The following SOX6 variants were observed in gnomAD, a reference collection of about 807,000 sequenced individuals.
The protein encoded by SOX6 is SRY-box transcription factor 6, also known as transcription factor SOX-6.
In SOX6, 11 loss-of-function variants were observed where a neutral mutation model predicts 97.8. The observed-to-expected ratio is 0.11, with a 90% CI of 0.07 to 0.19. The LOEUF is 0.19. Ranked by LOEUF, SOX6 falls within the 10% of genes least tolerant of loss-of-function variation. SOX6 has a pLI of 1.00. For synonymous variants in SOX6, 360 were observed against 371.4 expected (o/e 0.97, Z 0.35); for missense variants, 810 against 1,039.5 (o/e 0.78, Z 3.04).
intron 3 of SOX6, 76 bp downstream of exon 3, chr11:16,318,370 C>T (rs1324834037): frequency 1.5e-6 from 2 of 1,356,576 alleles, no homozygotes; most frequent in Non-Finnish European, 2.1e-6. Flanking sequence ...CTTGAAATCC[C>T]ACTTTTTTTT....
At chr11:16,227,838 T>G (rs1414679546) in intron 4 of SOX6, among the ~76,000 whole-genome samples, 1 of 152,206 alleles carries the variant, frequency 6.6e-6, no homozygotes, top group Non-Finnish European at 1.5e-5. Flanking sequence ...TCACACTAAA[T>G]GTTCAGAACT....
At chr11:16,718,316 C>A (rs1472152022) in intron 2 of SOX6, among the ~76,000 whole-genome samples, 2 of 151,898 alleles carry the variant, frequency 1.3e-5, no homozygotes, top group Admixed American at 6.6e-5. Context: ...ATCCCATACA[C>A]AATGGACATC....
chr11:16,071,302 C>T (rs1277261254), intron 9 of SOX6, among the ~76,000 whole-genome samples: 1 of 152,206 alleles, frequency 6.6e-6, no homozygotes, highest in African/African-American at 2.4e-5. Context: ...CCAAACCCCT[C>T]CACTGGTAGC....
intron 1 of SOX6, 124 bp from the exon 2 acceptor site, chr11:16,341,376 C>CT: frequency 7.4e-7 from 1 of 1,356,516 alleles, no homozygotes; most frequent in Non-Finnish European, 9.8e-7. Context: ...TTGTGGTCCA[C>CT]TCTAAACCCC....
rs1325186410 is a variant in SOX6 at position 16,049,821 on chromosome 11, T to C, written c.1369A>G (p.Asn457Asp). ...LFPASKTSPVNLPNKSSIPSP... is the reference protein window; with the variant it reads ...LFPASKTSPVDLPNKSSIPSP... ...GGGATGCTGCTTTTGTTTGGCAGAT[T>C]GACAGGGCTGGTTTTGCTGGCTGGG... The change falls in exon 11 of 16, where the codon AAT becomes GAT. Residue 457 changes from asparagine to aspartate, a missense_variant. Physicochemically the swap from Asn to Asp is conservative, Grantham distance 23 (BLOSUM62 1). This residue lies in a region of SOX6 where 244 missense variants were observed against 261.0 expected (regional missense o/e 0.93). Coordinates refer to ENST00000683767, the MANE Select transcript of SOX6 (RefSeq NM_001367873.1). The C allele has an allele frequency of 3.7e-6, 6 of 1,613,574 alleles. No homozygotes were observed. Among genetic ancestry groups the C allele is most frequent in the Admixed American group, 3.3e-5 (2 of 59,936 alleles).
chr11:16,422,125 T>G (rs1426485998), intron 1 of SOX6, among the ~76,000 whole-genome samples: 4 of 152,150 alleles, frequency 2.6e-5, no homozygotes, highest in Non-Finnish European at 5.9e-5. Context: ...ATAAAATATT[T>G]TATCACTTTC....
intron 9 of SOX6, among the ~76,000 whole-genome samples, chr11:16,085,088 A>C (rs186396654): frequency 6.6e-6 from 1 of 152,168 alleles, no homozygotes; most frequent in East Asian, 1.9e-4. Context: ...GTTATGTCTG[A>C]GCCAATGACA....
At chr11:16,632,279 T>G (rs1422670481) in intron 3 of SOX6, among the ~76,000 whole-genome samples, 1 of 151,790 alleles carries the variant, frequency 6.6e-6, no homozygotes, top group African/African-American at 2.4e-5. Flanking sequence ...TTACTGGGGG[T>G]TTTTTCTTTC....
At chr11:16,029,301 A>G (rs1016386010) in intron 12 of SOX6, among the ~76,000 whole-genome samples, 2 of 152,192 alleles carry the variant, frequency 1.3e-5, no homozygotes, top group Non-Finnish European at 2.9e-5. Context: ...AATTAGCCTA[A>G]GCAGGATGTG....
At chr11:16,341,955 G>T (rs370775334) in intron 1 of SOX6, among the ~76,000 whole-genome samples, 1 of 151,914 alleles carries the variant, frequency 6.6e-6, no homozygotes, top group African/African-American at 2.4e-5. Flanking sequence ...GGGCAATTTT[G>T]TAGCATTTGA....
chr11:16,199,245 A>G (rs1436359018), intron 4 of SOX6, among the ~76,000 whole-genome samples: 1 of 152,228 alleles, frequency 6.6e-6, no homozygotes, highest in African/African-American at 2.4e-5. Flanking sequence ...CAAGTGGTAG[A>G]AAATCAAATC....
chr11:16,573,274 T>A (rs985751467), intron 4 of SOX6, among the ~76,000 whole-genome samples: 1 of 152,186 alleles, frequency 6.6e-6, no homozygotes, highest in Admixed American at 6.5e-5. Flanking sequence ...AAGGCCAGCT[T>A]CATTTAAATG....
At chr11:16,022,230 C>T (rs1163488536) in intron 12 of SOX6, among the ~76,000 whole-genome samples, 1 of 152,116 alleles carries the variant, frequency 6.6e-6, no homozygotes, top group Non-Finnish European at 1.5e-5. Flanking sequence ...ACTACGATGA[C>T]AGTGTCCTTA....
intron 4 of SOX6, chr11:16,484,385 G>A (rs12787119): frequency 0.16 from 125,677 of 794,016 alleles, 10,625 homozygotes; most frequent in Non-Finnish European, 0.16. Flanking sequence ...GTCACTAAGC[G>A]TCTTCTGGCA....
chr11:16,271,955 AT>A (rs1361956570), intron 3 of SOX6, among the ~76,000 whole-genome samples: 1 of 150,564 alleles, frequency 6.6e-6, no homozygotes, highest in African/African-American at 2.4e-5. Flanking sequence ...TTACTCTGTA[AT>A]TTTACTGATT....
chr11:16,186,715 A>G, intron 5 of SOX6, 68 bp downstream of exon 5: 1 of 1,539,324 alleles, frequency 6.5e-7, no homozygotes. Context: ...AAGCCAATCA[A>G]TTTGATTACT....
chr11:16,166,596 G>A (rs1000743712), intron 6 of SOX6, among the ~76,000 whole-genome samples: 9 of 152,150 alleles, frequency 5.9e-5, no homozygotes, highest in African/African-American at 2.4e-5. Flanking sequence ...GGAGGGACAA[G>A]ACATGAATGA....
At chr11:16,452,601 T>C (rs1487080527) in intron 1 of SOX6, among the ~76,000 whole-genome samples, 1 of 152,190 alleles carries the variant, frequency 6.6e-6, no homozygotes, top group Non-Finnish European at 1.5e-5. Context: ...TCTGTAGTGC[T>C]TTAAGTGAAA....
intron 1 of SOX6, among the ~76,000 whole-genome samples, chr11:16,362,336 A>G (rs1294302016): frequency 6.6e-6 from 1 of 152,126 alleles, no homozygotes; most frequent in Non-Finnish European, 1.5e-5. Context: ...CAATAAAAAA[A>G]TAAAGACCCT....
Sources: allele counts gnomAD v4.1 joint callset (sites outside exome capture counted in the v4.1 genomes callset), GRCh38; gene constraint gnomAD v4.1.1; regional missense constraint gnomAD v4.1.1; transcripts MANE v1.5; gene names NCBI Gene and HGNC (gene_info 2026-07-23, HGNC 2026-07-21).